PCSK5: variants seen among roughly 807,000 people sequenced by gnomAD.
The protein encoded by PCSK5 is proprotein convertase subtilisin/kexin type 5, also known as prohormone convertase 5.
In PCSK5, 129 loss-of-function variants were observed where a neutral mutation model predicts 233.2. That is an observed-to-expected ratio of 0.55 (90% CI 0.48 to 0.64). The LOEUF is 0.64. Among genes scored for constraint, PCSK5 ranks in the 30% least tolerant of loss-of-function variants. PCSK5 has a pLI of 0.00. For synonymous variants in PCSK5, 825 were observed against 879.2 expected (o/e 0.94, Z 1.09); for missense variants, 2,076 against 2,430.1 (o/e 0.85, Z 3.06).
intron 20 of PCSK5, among the ~76,000 whole-genome samples, chr9:76,207,646 C>T (rs1488190359): frequency 6.6e-6 from 1 of 152,102 alleles, no homozygotes; most frequent in Non-Finnish European, 1.5e-5. Flanking sequence ...GGAGCAAATG[C>T]CCTGATGTGT....
intron 2 of PCSK5, among the ~76,000 whole-genome samples, chr9:75,936,888 A>G (rs571490473): frequency 8.5e-5 from 13 of 152,310 alleles, no homozygotes; most frequent in South Asian, 4.1e-4. Context: ...TACAAAATCT[A>G]TTTCTTAAAT....
chr9:75,984,173 A>G (rs965895533), intron 2 of PCSK5, among the ~76,000 whole-genome samples: 5 of 152,198 alleles, frequency 3.3e-5, no homozygotes, highest in Admixed American at 2.6e-4. Flanking sequence ...TTTAGTACCT[A>G]TAGTTCATCT....
intron 2 of PCSK5, among the ~76,000 whole-genome samples, chr9:75,961,854 A>G (rs1225395362): frequency 1.3e-5 from 2 of 152,192 alleles, no homozygotes; most frequent in Non-Finnish European, 2.9e-5. Context: ...TTCTTTTTGC[A>G]TCTTCAATGT....
At chr9:76,019,706 G>A (rs1224806407) in intron 3 of PCSK5, among the ~76,000 whole-genome samples, 2 of 152,134 alleles carry the variant, frequency 1.3e-5, no homozygotes, top group East Asian at 1.9e-4. Flanking sequence ...AAGAGAAGTG[G>A]ATGCACCCAG....
At chr9:76,049,765 T>C (rs749299567) in intron 5 of PCSK5, among the ~76,000 whole-genome samples, 2 of 152,248 alleles carry the variant, frequency 1.3e-5, no homozygotes, top group East Asian at 3.8e-4. Context: ...TTTTCAGAAG[T>C]GTGTTCAGTT....
chr9:76,286,196 C>G (rs1495257), intron 24 of PCSK5, among the ~76,000 whole-genome samples: 3 of 151,916 alleles, frequency 2.0e-5, no homozygotes, highest in African/African-American at 7.3e-5. Flanking sequence ...GGTAATTCTG[C>G]TGTATATTGC....
At position 75,930,303 on chromosome 9, in the gene PCSK5, G is replaced by A. The variant is rs563451880; in HGVS notation, c.193-2076G>A. On this transcript the variant is annotated intron_variant, in intron 1 of 37. Transcript: ENST00000674117. ...TTCAAGATGAGATTTGGGTGGGGAC[G>A]CAGCCAAACAATATCAGCCAGAGTA... Among the ~76,000 whole-genome samples, 56 of 152,172 alleles carry A rather than the reference G, an allele frequency of 3.7e-4. 1 individual carries two copies. In the Middle Eastern group the frequency reaches 0.017, roughly 46 times the overall value.
At chr9:76,130,758 G>A (rs1198855541) in intron 9 of PCSK5, among the ~76,000 whole-genome samples, 2 of 152,094 alleles carry the variant, frequency 1.3e-5, no homozygotes, top group African/African-American at 4.8e-5. Flanking sequence ...GTTTATAAAT[G>A]TGACTCTCTT....
At chr9:75,911,510 C>T (rs944939663) in intron 1 of PCSK5, among the ~76,000 whole-genome samples, 3 of 152,162 alleles carry the variant, frequency 2.0e-5, no homozygotes, top group East Asian at 1.9e-4. Flanking sequence ...ATGATCCCTT[C>T]GTTCTTGGAA....
rs190804619 is a variant in PCSK5 at position 76,026,307 on chromosome 9, C to T, written c.556-654C>T. On this transcript the variant is annotated intron_variant, in intron 4 of 37. Coordinates refer to ENST00000674117, the MANE Select transcript of PCSK5 (RefSeq NM_001372043.1). ...ATTTTGAAATCTTAGTGTAGGAAAA[C>T]TGTTCATTATTTTGGTTGGTCCAAA... 3.9e-3 allele frequency among the ~76,000 whole-genome samples: 590 copies of T among 152,164 alleles called. 3 individuals are homozygous for T. The highest frequency in any genetic ancestry group is 0.028 in the South Asian group (134 of 4,824).
chr9:76,030,218 T>A (rs1828597865), intron 5 of PCSK5, among the ~76,000 whole-genome samples: 1 of 152,182 alleles, frequency 6.6e-6, no homozygotes. Context: ...AGTTAACTCC[T>A]GTTCTGCTGG....
chr9:76,030,861 A>G (rs1478340891), intron 5 of PCSK5, among the ~76,000 whole-genome samples: 1 of 151,940 alleles, frequency 6.6e-6, no homozygotes, highest in Non-Finnish European at 1.5e-5. Flanking sequence ...CATCTGGGGT[A>G]TTCTAGGGTG....
At chr9:76,327,621 C>T (rs924595938) in intron 32 of PCSK5, among the ~76,000 whole-genome samples, 15 of 152,178 alleles carry the variant, frequency 9.9e-5, no homozygotes, top group Middle Eastern at 3.4e-3. Flanking sequence ...TCAAGGTACT[C>T]CGGAGGTGAG....
chr9:76,048,381 G>A (rs1425504437), intron 5 of PCSK5, among the ~76,000 whole-genome samples: 1 of 152,156 alleles, frequency 6.6e-6, no homozygotes, highest in Non-Finnish European at 1.5e-5. Flanking sequence ...CCTGTTAGAA[G>A]GAGCCTGTGA....
At chr9:76,071,683 AG>A (rs759626898) in intron 6 of PCSK5, 42 bp from the exon 7 acceptor site, 8 of 1,532,894 alleles carry the variant, frequency 5.2e-6, no homozygotes, top group Non-Finnish European at 5.3e-6. Context: ...AGTGTTGTGT[AG>A]GGAAGCCCTG....
chr9:76,214,043 G>T (rs1029511481), intron 20 of PCSK5, among the ~76,000 whole-genome samples: 1 of 152,202 alleles, frequency 6.6e-6, no homozygotes, highest in Non-Finnish European at 1.5e-5. Context: ...GCAAGAGATG[G>T]CCCTGTCCTC....
At chr9:76,121,596 C>T (rs576536533) in intron 9 of PCSK5, among the ~76,000 whole-genome samples, 11 of 152,288 alleles carry the variant, frequency 7.2e-5, no homozygotes, top group Non-Finnish European at 1.5e-4. Context: ...TTTTAACCCA[C>T]GTTGGTTTGA....
rs114998154 is a variant in PCSK5, at chr9:76,311,635, A to G, written c.3884+784A>G. On this transcript the variant is annotated intron_variant, in intron 30 of 37. Transcript: ENST00000674117. ...TGAGGAATAGCAAATGCAAGAGTAC[A>G]GCAAGAAACTTTCAGCAATAAGCAA... is the stretch of plus-strand genomic sequence containing the variant. Among the ~76,000 whole-genome samples the G allele has an allele frequency of 5.9e-3, 898 of 152,340 alleles. 11 individuals are homozygous for G. The highest frequency in any genetic ancestry group is 0.021 in the African/African-American group (865 of 41,582).
intron 20 of PCSK5, among the ~76,000 whole-genome samples, chr9:76,221,858 C>A (rs1336270254): frequency 6.6e-6 from 1 of 152,152 alleles, no homozygotes; most frequent in African/African-American, 2.4e-5. Flanking sequence ...TCTGCACAAA[C>A]CCCACAGATC....
Sources: allele counts gnomAD v4.1 joint callset (sites outside exome capture counted in the v4.1 genomes callset), GRCh38; gene constraint gnomAD v4.1.1; transcripts MANE v1.5; gene names NCBI Gene and HGNC (gene_info 2026-07-23, HGNC 2026-07-21).